Variants in DOK5 observed in about 807,000 individuals in gnomAD.
The protein encoded by DOK5 is docking protein 5, also known as downstream of tyrosine kinase 5.
Under a neutral mutation model 43.3 loss-of-function variants are expected in DOK5, and 27 were observed. The ratio of observed to expected loss-of-function variants is 0.62; its 90% confidence interval spans 0.46 to 0.86. The LOEUF (loss-of-function observed/expected upper bound fraction) is 0.86, where lower values mean the gene tolerates loss of function less well. Ranked by LOEUF, DOK5 falls within the 40% of genes least tolerant of loss-of-function variation. The probability of loss-of-function intolerance (pLI) is 0.00; values close to 1 mark genes in which losing one functional copy is unlikely to be tolerated. For synonymous variants in DOK5, 146 were observed against 140.1 expected, an observed-to-expected ratio of 1.04 and a Z score of -0.30; for missense variants, 373 against 392.9, an observed-to-expected ratio of 0.95 and a Z score of 0.43.
chr20:54,597,815 C>A (rs1181854487), intron 5 of DOK5, among the ~76,000 whole-genome samples: 3 of 152,218 alleles, frequency 2.0e-5, no homozygotes, highest in Non-Finnish European at 4.4e-5. Flanking sequence ...TCTTAGTTAA[C>A]TTCTGCAGAG....
intron 2 of DOK5, among the ~76,000 whole-genome samples, chr20:54,585,010 C>G (rs957019127): frequency 2.0e-5 from 3 of 151,946 alleles, no homozygotes; most frequent in African/African-American, 7.2e-5. Flanking sequence ...TTGTAAATAT[C>G]TCTGCAAAAT....
At chr20:54,604,913 T>C (rs1055375276) in intron 5 of DOK5, among the ~76,000 whole-genome samples, 13 of 151,668 alleles carry the variant, frequency 8.6e-5, no homozygotes, top group Non-Finnish European at 1.5e-4. Context: ...AGGCAGAGAA[T>C]TGCTTGAACC....
intron 2 of DOK5, among the ~76,000 whole-genome samples, chr20:54,566,174 A>G (rs1271860305): frequency 7.2e-6 from 1 of 139,024 alleles, no homozygotes; most frequent in Non-Finnish European, 1.5e-5. Flanking sequence ...AAGAATGTTT[A>G]ATCGTTTGGG....
At chr20:54,550,178 G>A (rs1437942313) in intron 1 of DOK5, among the ~76,000 whole-genome samples, 1 of 131,614 alleles carries the variant, frequency 7.6e-6, no homozygotes, top group Non-Finnish European at 1.5e-5. Context: ...GTGATTGGAT[G>A]GCAAAAAAAA....
intron 7 of DOK5, among the ~76,000 whole-genome samples, chr20:54,650,011 T>C (rs575649753): frequency 4.3e-4 from 65 of 152,348 alleles, no homozygotes; most frequent in African/African-American, 1.5e-3. Flanking sequence ...AAATGAATTT[T>C]AGGAAGTTCT....
intron 2 of DOK5, among the ~76,000 whole-genome samples, chr20:54,580,875 G>C (rs1425821758): frequency 6.6e-6 from 1 of 151,836 alleles, no homozygotes; most frequent in Admixed American, 6.6e-5. Context: ...AAACTTTTTA[G>C]TTTGATGTAG....
chr20:54,595,096 C>T (rs1600724227), intron 5 of DOK5, among the ~76,000 whole-genome samples: 1 of 152,254 alleles, frequency 6.6e-6, no homozygotes, highest in Middle Eastern at 3.4e-3. Flanking sequence ...AATCCCAGCA[C>T]TTTGGGAGGC....
chr20:54,631,022 T>C (rs2146816438), intron 6 of DOK5, among the ~76,000 whole-genome samples: 1 of 152,156 alleles, frequency 6.6e-6, no homozygotes, highest in East Asian at 1.9e-4. Context: ...GTTAGGGAAA[T>C]GAACAAACAA....
At chr20:54,505,290 G>A (rs113035534) in intron 1 of DOK5, among the ~76,000 whole-genome samples, 2,690 of 152,128 alleles carry the variant, frequency 0.018, 81 homozygotes, top group African/African-American at 0.061. Flanking sequence ...CGGGAACACA[G>A]CCATACCCAT....
chr20:54,513,165 C>G (rs1002330664), intron 1 of DOK5, among the ~76,000 whole-genome samples: 1 of 152,040 alleles, frequency 6.6e-6, no homozygotes, highest in Non-Finnish European at 1.5e-5. Flanking sequence ...TAGAGTGTAC[C>G]CAGGGATGCT....
chr20:54,476,141 C>T (rs1981415107), intron 1 of DOK5, 129 bp downstream of exon 1: 4 of 1,533,426 alleles, frequency 2.6e-6, no homozygotes, highest in African/African-American at 2.7e-5. Context: ...CTTTCTCAGC[C>T]GAAACCCGCG....
intron 1 of DOK5, among the ~76,000 whole-genome samples, chr20:54,523,996 G>A (rs1274448657): frequency 6.6e-6 from 1 of 152,182 alleles, no homozygotes; most frequent in Non-Finnish European, 1.5e-5. Flanking sequence ...CTCCTTCATA[G>A]CAGGCTTGAA....
rs771398194 is a variant in DOK5 at position 54,605,676 on chromosome 20, G to A, written c.600-4712G>A. 3.3e-5 allele frequency among the ~76,000 whole-genome samples: 5 copies of A among 152,320 alleles called. No individual in the cohort carries two copies. The East Asian group carries it at 7.7e-4, about 23-fold the overall frequency. Reference sequence around the variant, plus strand: ...TCAAGGAAGCCTGGGTCAGGTTCCCGGTGATGCTTTTCCTAGCACTGCCTT... The same window carrying A: ...TCAAGGAAGCCTGGGTCAGGTTCCCAGTGATGCTTTTCCTAGCACTGCCTT... On this transcript the variant is annotated intron_variant, in intron 5 of 7. Transcript: ENST00000262593.
chr20:54,608,700 T>C, intron 5 of DOK5, among the ~76,000 whole-genome samples: 1 of 149,844 alleles, frequency 6.7e-6, no homozygotes, highest in Non-Finnish European at 1.5e-5. Context: ...GGATGGCACC[T>C]CTCTCTGTCA....
At chr20:54,623,953 G>A (rs1457854684) in intron 6 of DOK5, among the ~76,000 whole-genome samples, 1 of 152,194 alleles carries the variant, frequency 6.6e-6, no homozygotes, top group Non-Finnish European at 1.5e-5. Flanking sequence ...AAGCAATGGG[G>A]ATATAAACAG....
chr20:54,588,769 T>C lies in DOK5; in HGVS notation c.372T>C (p.Pro124=). Residue 124 remains proline (P), a synonymous_variant, in exon 4 of 8, where the codon CCT becomes CCC. Transcript: ENST00000262593. ...TCAATGACATCAGCCTTGGAGAGCC[T>C]GACTTACTGGCCACTGGGGTTGAGA... ...TRINDISLGE[P]DLLATGVERE... 1.9e-6 allele frequency: 3 copies of C among 1,614,056 alleles called. No homozygotes were observed. The highest frequency in any genetic ancestry group is 3.3e-5 in the Admixed American group (2 of 60,008).
intron 5 of DOK5, among the ~76,000 whole-genome samples, chr20:54,595,724 T>TGG: frequency 6.6e-6 from 1 of 152,240 alleles, no homozygotes; most frequent in Non-Finnish European, 1.5e-5. Flanking sequence ...TTTGCAGGGC[T>TGG]GGTGCAAACT....
At chr20:54,492,830 G>A (rs1982241259) in intron 1 of DOK5, among the ~76,000 whole-genome samples, 1 of 151,910 alleles carries the variant, frequency 6.6e-6, no homozygotes, top group African/African-American at 2.4e-5. Context: ...AAGGGGGGTG[G>A]ATCACTTGAG....
At chr20:54,598,720 A>G (rs2146779376) in intron 5 of DOK5, among the ~76,000 whole-genome samples, 2 of 152,336 alleles carry the variant, frequency 1.3e-5, no homozygotes, top group South Asian at 4.1e-4. Context: ...TGCTTTTGAC[A>G]TCGTTTTAAG....
Sources: allele counts gnomAD v4.1 joint callset (sites outside exome capture counted in the v4.1 genomes callset), GRCh38; gene constraint gnomAD v4.1.1; transcripts MANE v1.5; gene names NCBI Gene and HGNC (gene_info 2026-07-23, HGNC 2026-07-21).